PSD3: variants seen among roughly 807,000 people sequenced by gnomAD.
PSD3 encodes PH and SEC7 domain-containing protein 3.
A neutral mutation model predicts 105.5 loss-of-function variants in PSD3; 49 were observed. The observed-to-expected ratio is 0.46, with a 90% CI of 0.37 to 0.59. The LOEUF (loss-of-function observed/expected upper bound fraction) is 0.59, where lower values mean the gene tolerates loss of function less well. Ranked by LOEUF, PSD3 falls within the 20% of genes least tolerant of loss-of-function variation. The pLI is 0.00. For synonymous variants in PSD3, 557 were observed against 457.8 expected (o/e 1.22, Z -2.77); for missense variants, 1,561 against 1,263.8 (o/e 1.24, Z -3.57).
At chr8:18,692,568 G>A (rs1201648282) in intron 9 of PSD3, among the ~76,000 whole-genome samples, 1 of 152,148 alleles carries the variant, frequency 6.6e-6, no homozygotes, top group Non-Finnish European at 1.5e-5. Context: ...TGGAGCGGGA[G>A]CTGAGAAATA....
At chr8:18,827,563 A>G (rs1303302652) in intron 4 of PSD3, among the ~76,000 whole-genome samples, 1 of 152,196 alleles carries the variant, frequency 6.6e-6, no homozygotes, top group Non-Finnish European at 1.5e-5. Context: ...AGATAGATTA[A>G]ATGAATTGGA....
chr8:18,646,220 T>G (rs1808024111), intron 10 of PSD3, among the ~76,000 whole-genome samples: 1 of 152,118 alleles, frequency 6.6e-6, no homozygotes, highest in African/African-American at 2.4e-5. Context: ...TTACTTTCAT[T>G]TTAAAGTTCC....
intron 11 of PSD3, among the ~76,000 whole-genome samples, chr8:18,614,683 A>G (rs1805526228): frequency 6.6e-6 from 1 of 152,074 alleles, no homozygotes. Context: ...TTTTCTTTTG[A>G]GACAGGGTGA....
intron 9 of PSD3, among the ~76,000 whole-genome samples, chr8:18,658,524 CTTTT>C (rs35569508): frequency 3.6e-5 from 5 of 138,106 alleles, no homozygotes; most frequent in Non-Finnish European, 6.2e-5. Flanking sequence ...CTATATAATT[CTTTT>C]TTTTTTTTTT....
At chr8:18,665,473 G>T (rs1257504722) in intron 9 of PSD3, among the ~76,000 whole-genome samples, 4 of 152,238 alleles carry the variant, frequency 2.6e-5, no homozygotes, top group Admixed American at 2.0e-4. Flanking sequence ...GATTTGTATG[G>T]ATGAGCAAAG....
At chr8:18,816,289 C>A (rs773143887) in intron 4 of PSD3, among the ~76,000 whole-genome samples, 1 of 152,148 alleles carries the variant, frequency 6.6e-6, no homozygotes, top group South Asian at 2.1e-4. Context: ...TAGGTACTTC[C>A]ATCATTCCCA....
intron 9 of PSD3, among the ~76,000 whole-genome samples, chr8:18,673,808 A>G (rs1296854693): frequency 6.6e-6 from 1 of 151,946 alleles, no homozygotes. Flanking sequence ...TAAGTCCAAA[A>G]CCTCTGGATT....
intron 1 of PSD3, among the ~76,000 whole-genome samples, chr8:19,062,782 G>T (rs1828948161): frequency 6.6e-6 from 1 of 152,170 alleles, no homozygotes; most frequent in South Asian, 2.1e-4. Context: ...AAATCAGGTA[G>T]ATTAGCATGC....
chr8:18,678,331 A>G (rs774538646), intron 9 of PSD3, among the ~76,000 whole-genome samples: 5 of 152,216 alleles, frequency 3.3e-5, no homozygotes, highest in African/African-American at 4.8e-5. Context: ...GGCATTTTAA[A>G]TTTTTACATG....
intron 1 of PSD3, among the ~76,000 whole-genome samples, chr8:18,971,170 A>G (rs1424597083): frequency 5.9e-5 from 9 of 152,144 alleles, no homozygotes; most frequent in Non-Finnish European, 1.3e-4. Context: ...TTACAAATTA[A>G]AAACAAAATG....
intron 9 of PSD3, among the ~76,000 whole-genome samples, chr8:18,741,087 G>A (rs10096702): frequency 0.091 from 13,909 of 152,234 alleles, 1,120 homozygotes; most frequent in East Asian, 0.4. Flanking sequence ...ATTGTTTTCT[G>A]TTGTCTGTTT....
In PSD3 at chr8:18,928,374, G is replaced by C. The variant is rs551748960; in HGVS notation, c.130+7660C>G. On this transcript the variant is annotated intron_variant, in intron 2 of 15. Coordinates refer to ENST00000327040, the MANE Select transcript of PSD3 (RefSeq NM_015310.4). ...GAGGCCTCTCCAGCCATGTGGAACT[G>C]TGAGTCCATTAAACCTCTTTCCTTT... Among the ~76,000 whole-genome samples, 209 of 152,186 alleles carry C rather than the reference G, an allele frequency of 1.4e-3. 1 individual carries two copies. The highest frequency in any genetic ancestry group is 2.0e-3 in the Non-Finnish European group (133 of 68,046).
chr8:18,898,360 T>G (rs529818544), intron 2 of PSD3, among the ~76,000 whole-genome samples: 40 of 152,310 alleles, frequency 2.6e-4, no homozygotes, highest in African/African-American at 9.6e-4. Flanking sequence ...AATGACCTTC[T>G]TTGTCTCTTT....
At chr8:18,972,065 A>T (rs1170242470) in intron 1 of PSD3, among the ~76,000 whole-genome samples, 1 of 152,210 alleles carries the variant, frequency 6.6e-6, no homozygotes, top group African/African-American at 2.4e-5. Context: ...CTATCATCCT[A>T]AACAGAAAAG....
At position 19,072,539 on chromosome 8, in the gene PSD3, T is replaced by C. The variant is rs1400269687; in HGVS notation, c.324+11667A>G. 2.0e-5 allele frequency among the ~76,000 whole-genome samples: 3 copies of C among 152,264 alleles called. No homozygotes were observed. The East Asian group carries it at 5.8e-4, about 29-fold the overall frequency. On this transcript the variant is annotated intron_variant, in intron 1 of 1. Transcript: ENST00000521475. The stretch of plus-strand genomic sequence containing the variant: ...TAGATGAAAATAATACATTTCGTCT[T>C]TCTATTTCAAGATGAGAGAGGTGGG...
intron 1 of PSD3, among the ~76,000 whole-genome samples, chr8:18,972,967 CAAAT>C (rs1824735583): frequency 6.6e-6 from 1 of 152,112 alleles, no homozygotes; most frequent in African/African-American, 2.4e-5. Context: ...GATTCTGAAA[CAAAT>C]AAAAGCTGAA....
chr8:18,657,907 C>T (rs1038608), intron 9 of PSD3, among the ~76,000 whole-genome samples: 41 of 151,606 alleles, frequency 2.7e-4, no homozygotes, highest in Admixed American at 1.6e-3. Context: ...TTTAAATGAC[C>T]GCTAAACAGC....
chr8:18,904,544 C>A (rs1203703879), intron 2 of PSD3, among the ~76,000 whole-genome samples: 1 of 152,156 alleles, frequency 6.6e-6, no homozygotes, highest in East Asian at 1.9e-4. Flanking sequence ...CCTACTACCC[C>A]TTTCTTTTGG....
intron 12 of PSD3, among the ~76,000 whole-genome samples, chr8:18,585,966 T>C (rs1299277343): frequency 1.3e-5 from 2 of 152,102 alleles, no homozygotes; most frequent in East Asian, 3.9e-4. Context: ...AAGAGCCTTT[T>C]AATGCTCTTC....
Sources: gnomAD v4.1 joint callset for allele counts (sites outside exome capture counted in the v4.1 genomes callset) on GRCh38, gnomAD v4.1.1 for gene constraint, MANE v1.5 for transcripts, NCBI Gene and HGNC (gene_info 2026-07-23, HGNC 2026-07-21) for gene names.